SCAF4: variants seen among roughly 807,000 people sequenced by gnomAD.
The protein encoded by SCAF4 is SR-related and CTD-associated factor 4.
A neutral mutation model predicts 129.8 loss-of-function variants in SCAF4; 25 were observed. The ratio of observed to expected loss-of-function variants is 0.19; its 90% CI spans 0.14 to 0.27. The LOEUF is 0.27. Among genes scored for constraint, SCAF4 ranks in the 10% least tolerant of loss-of-function variants. SCAF4 has a pLI of 1.00. For synonymous variants in SCAF4, 551 were observed against 497.7 expected (o/e 1.11, Z -1.43); for missense variants, 1,246 against 1,457.1 (o/e 0.86, Z 2.36).
chr21:31,674,851 T>C lies in SCAF4; in HGVS notation c.2489-2497A>G, dbSNP rs144929847. ...AATATCTGAATTTTCTATTAACTCA[T>C]TTAATAGTCCTTTCCTTCAAAAGGG... On this transcript the variant is annotated intron_variant, in intron 19 of 19. Coordinates refer to ENST00000286835, the MANE Select transcript of SCAF4 (RefSeq NM_020706.2). Among the ~76,000 whole-genome samples, 13 of 152,344 alleles carry C rather than the reference T, an allele frequency of 8.5e-5. No homozygotes were observed. The East Asian group carries it at 2.3e-3, about 27-fold the overall frequency.
chr21:31,702,569 T>C (rs1330374867), intron 4 of SCAF4, among the ~76,000 whole-genome samples, 190 bp from the exon 5 acceptor site: 1 of 152,084 alleles, frequency 6.6e-6, no homozygotes, highest in Non-Finnish European at 1.5e-5. Context: ...AGTGGTATCA[T>C]CTAGAGTAAG....
chr21:31,717,842 TACAC>T (rs66498283), intron 1 of SCAF4, among the ~76,000 whole-genome samples: 1,260 of 114,294 alleles, frequency 0.011, 26 homozygotes, highest in African/African-American at 0.038. Flanking sequence ...TATATATATA[TACAC>T]ACACACACAC....
chr21:31,716,214 A>G (rs1055697828), intron 1 of SCAF4, among the ~76,000 whole-genome samples: 1 of 152,150 alleles, frequency 6.6e-6, no homozygotes, highest in Admixed American at 6.5e-5. Flanking sequence ...AAACTTTAAA[A>G]AATGTATTTT....
intron 3 of SCAF4, among the ~76,000 whole-genome samples, chr21:31,704,529 A>G (rs2050608667): frequency 6.7e-6 from 1 of 149,662 alleles, no homozygotes; most frequent in African/African-American, 2.5e-5. Flanking sequence ...CTAGGAATTT[A>G]TGCAAAAAAA....
intron 3 of SCAF4, among the ~76,000 whole-genome samples, chr21:31,704,233 C>T (rs761910079): frequency 6.6e-6 from 1 of 152,080 alleles, no homozygotes; most frequent in Non-Finnish European, 1.5e-5. Flanking sequence ...CATATAAATT[C>T]ACTTATTATG....
At chr21:31,696,371 G>C (rs1308929064) in intron 8 of SCAF4, 150 bp from the exon 9 acceptor site, 4 of 750,480 alleles carry the variant, frequency 5.3e-6, no homozygotes, top group East Asian at 5.5e-5. Context: ...TATAAACTCA[G>C]TATTATTCCC....
At position 31,672,335 on chromosome 21, in the gene SCAF4, A is replaced by G. The variant is rs551748841; in HGVS notation, c.2508T>C (p.Pro836=). 5.0e-6 allele frequency: 8 copies of G among 1,613,538 alleles called. No homozygotes were observed. In the South Asian group the frequency reaches 7.7e-5, roughly 16 times the overall value. The change falls in exon 20 of 20, where the codon CCT becomes CCC. Residue 836 remains proline, a synonymous_variant. Coordinates refer to ENST00000286835, the MANE Select transcript of SCAF4 (RefSeq NM_020706.2). ...GTGCCTGAAGTCCAATTACAGGACC[A>G]GGGGCAACTCCTTGAGTGCCTAAAA... ...VSLLGTQGVA[P]GPVIGLQAPS... is the part of the protein sequence containing the mutation.
At chr21:31,698,301 A>C (rs937186078) in intron 7 of SCAF4, among the ~76,000 whole-genome samples, 3 of 152,200 alleles carry the variant, frequency 2.0e-5, no homozygotes, top group Non-Finnish European at 2.9e-5. Context: ...TCAAAAGAAA[A>C]GCACAGAATT....
intron 16 of SCAF4, 37 bp downstream of exon 16, chr21:31,688,270 G>C (rs778166797): frequency 6.3e-7 from 1 of 1,592,758 alleles, no homozygotes; most frequent in Non-Finnish European, 8.6e-7. Flanking sequence ...GGACCTTTCA[G>C]GCACTTAAAG....
Position 31,705,355 on chromosome 21 carries a change from T to A in SCAF4, c.159+68A>T, listed in dbSNP as rs2050631466. 1.6e-5 allele frequency: 12 copies of A among 770,392 alleles called. No homozygotes were observed. In the East Asian group the frequency reaches 3.6e-4, roughly 23 times the overall value. 47.7% of individuals were successfully genotyped at this position (770,392 alleles called of 1,614,324 possible). A position where few individuals can be genotyped will look rare whatever the true frequency, so the allele number is the denominator to read the frequency against. On this transcript the variant is annotated intron_variant, in intron 3 of 19. Coordinates refer to ENST00000286835, the MANE Select transcript of SCAF4 (RefSeq NM_020706.2). ...AGTGGTTTAGAAACAAGCATTGAGATTAAAATTTACAAAGTAAATTACAAA... is the reference window on the plus strand; with the variant it reads ...AGTGGTTTAGAAACAAGCATTGAGAATAAAATTTACAAAGTAAATTACAAA...
chr21:31,719,892 T>C (rs1341414416), intron 1 of SCAF4, among the ~76,000 whole-genome samples: 1 of 152,244 alleles, frequency 6.6e-6, no homozygotes, highest in Admixed American at 6.5e-5. Flanking sequence ...CAAGGCTGTA[T>C]ACCTCACCAG....
Position 31,701,097 on chromosome 21 carries a change from A to G in SCAF4, c.675T>C (p.Ala225=), listed in dbSNP as rs186666970. 5 of 1,613,898 alleles carry G rather than the reference A, an allele frequency of 3.1e-6. No individual in the cohort carries two copies. The East Asian group carries it at 1.1e-4, about 36-fold the overall frequency. The change falls in exon 7 of 20, where the codon GCT becomes GCC. Residue 225 remains alanine, a synonymous_variant. Transcript: ENST00000286835. ...ACTGAGCTGTGATAGCCTGAACCTG[A>G]GCCATCACAGCATTGTCAAGGGCAG... The part of the protein sequence containing the change: ...QSPALDNAVM[A]QVQAITAQLK...
At position 31,685,117 on chromosome 21, in the gene SCAF4, G is replaced by C. The variant is rs1233044950; in HGVS notation, c.2420C>G (p.Ser807Cys). The change falls in exon 19 of 20, where the codon TCT becomes TGT. Residue 807 changes from serine to cysteine, a missense_variant. This residue lies in a region of SCAF4 where 468 missense variants were observed against 605.5 expected (regional missense o/e 0.77). Coordinates refer to ENST00000286835, the MANE Select transcript of SCAF4 (RefSeq NM_020706.2). ...ESGDSVKMYG[S>C]AVPPAAPTNL... ...CGTGGGTGCAGCAGGTGGCACGGCA[G>C]AGCCATACATTTTCACGCTGTCACC... 1.9e-6 allele frequency: 3 copies of C among 1,613,088 alleles called. No individual in the cohort carries two copies. The highest frequency in any genetic ancestry group is 2.5e-6 in the Non-Finnish European group (3 of 1,179,844).
chr21:31,724,466 G>C (rs2123688523), intron 1 of SCAF4, among the ~76,000 whole-genome samples: 1 of 152,232 alleles, frequency 6.6e-6, no homozygotes, highest in Non-Finnish European at 1.5e-5. Context: ...CATGAAAGTT[G>C]TATGCTGTTG....
intron 19 of SCAF4, among the ~76,000 whole-genome samples, chr21:31,673,003 T>C (rs972125764): frequency 6.6e-6 from 1 of 152,238 alleles, no homozygotes; most frequent in Admixed American, 6.5e-5. Flanking sequence ...CAGCATGATA[T>C]TTAACTTGCG....
rs780869515 is a variant in SCAF4, at chr21:31,671,963, C to A, written c.2880G>T (p.Gln960His). 5 of 1,601,206 alleles carry A rather than the reference C, an allele frequency of 3.1e-6. No homozygotes were observed. Among genetic ancestry groups the A allele is most frequent in the Non-Finnish European group, 4.3e-6 (5 of 1,168,700 alleles). Residue 960 changes from glutamine to histidine, a missense_variant, in exon 20 of 20, where the codon CAG (glutamine) becomes CAT (histidine). Transcript: ENST00000286835. ...GTGGTGGCTGCTGCTGCTGCTGCTG[C>A]TGTGGTTGCTGGGGCGCCTGCGGCT... ...QPQPQAPQQP[Q>H]QQQQQQPPPS...
intron 1 of SCAF4, among the ~76,000 whole-genome samples, chr21:31,730,470 G>T (rs902052570): frequency 6.6e-6 from 1 of 152,284 alleles, no homozygotes; most frequent in South Asian, 2.1e-4. Context: ...TAATTGGAAA[G>T]TCCCATATAT....
Position 31,690,840 on chromosome 21 carries a change from A to C in SCAF4, c.1842T>G (p.Ser614Arg). 6.2e-7 allele frequency: 1 copy of C among 1,613,470 alleles called. No homozygotes were observed. The change falls in exon 15 of 20, where the codon AGT (serine) becomes AGG (arginine). Residue 614 changes from serine to arginine, a missense_variant. Transcript: ENST00000286835. ...TGTCCAACATTCCTCCTTCACAAAAACTCTCCAGTTCCTCAGGCTTGACTT... is the reference window on the plus strand; with the variant it reads ...TGTCCAACATTCCTCCTTCACAAAACCTCTCCAGTTCCTCAGGCTTGACTT... ...WDKVKPEELE[S>R]FCEGGMLDSD...
intron 1 of SCAF4, among the ~76,000 whole-genome samples, chr21:31,726,648 G>C (rs772835181): frequency 6.6e-6 from 1 of 152,176 alleles, no homozygotes; most frequent in African/African-American, 2.4e-5. Context: ...CTGGGCCACA[G>C]AGCCAGACCC....
Sources: gnomAD v4.1 joint callset for allele counts (sites outside exome capture counted in the v4.1 genomes callset) on GRCh38, gnomAD v4.1.1 for gene constraint, gnomAD v4.1.1 regional missense constraint, MANE v1.5 for transcripts, NCBI Gene and HGNC (gene_info 2026-07-23, HGNC 2026-07-21) for gene names.